The following CCBE1 variants were observed in gnomAD, a reference collection of about 807,000 sequenced individuals.
The protein encoded by CCBE1 is collagen and calcium-binding EGF domain-containing protein 1.
Under a neutral mutation model 50.0 loss-of-function variants are expected in CCBE1, and 37 were observed. That is an observed-to-expected ratio of 0.74 (90% CI 0.57 to 0.97). The LOEUF (loss-of-function observed/expected upper bound fraction) is 0.97. Among genes scored for constraint, CCBE1 ranks in the 50% least tolerant of loss-of-function variants. CCBE1 has a pLI of 0.00. For missense variants in CCBE1, 538 were observed against 523.8 expected (o/e 1.03, Z -0.26); for synonymous variants, 234 against 203.7 (o/e 1.15, Z -1.27).
chr18:59,582,540 T>C (rs558829527), intron 2 of CCBE1, among the ~76,000 whole-genome samples: 1 of 152,186 alleles, frequency 6.6e-6, no homozygotes, highest in African/African-American at 2.4e-5. Context: ...AAGAGACTCT[T>C]GGCTTAAGAA....
intron 2 of CCBE1, among the ~76,000 whole-genome samples, chr18:59,581,463 AAC>A (rs1453591481): frequency 2.0e-5 from 3 of 151,316 alleles, no homozygotes; most frequent in African/African-American, 7.3e-5. Flanking sequence ...GCCCCAAAAT[AAC>A]AGATATTGGA....
chr18:59,593,212 T>C (rs2053299941), intron 2 of CCBE1, among the ~76,000 whole-genome samples: 1 of 152,198 alleles, frequency 6.6e-6, no homozygotes, highest in Admixed American at 6.5e-5. Flanking sequence ...TTTTAATAAA[T>C]ACCTTTTTGA....
chr18:59,469,602 C>G lies in CCBE1; in HGVS notation c.271G>C (p.Asp91His). ...VLGQCIPEDY[D>H]VCAEAPCEQQ... ...TCACAGGGAGCCTCGGCACAAACGT[C>G]GTAATCTGAAAAAGCAAAGTGAGAG... The change falls in exon 4 of 11, where the codon GAC (aspartate) becomes CAC (histidine). Residue 91 changes from aspartate to histidine, a missense_variant. Physicochemically the swap from Asp to His is moderately conservative, Grantham distance 81. Coordinates refer to ENST00000439986, the MANE Select transcript of CCBE1 (RefSeq NM_133459.4). 1 of 1,614,056 alleles carries G rather than the reference C, an allele frequency of 6.2e-7. No individual in the cohort carries two copies. The highest frequency in any genetic ancestry group is 8.5e-7 in the Non-Finnish European group (1 of 1,180,036).
chr18:59,478,304 G>A (rs1041084337), intron 3 of CCBE1, among the ~76,000 whole-genome samples: 2 of 152,012 alleles, frequency 1.3e-5, no homozygotes, highest in Non-Finnish European at 2.9e-5. Context: ...AATCAAAATT[G>A]GTTCTATTTC....
chr18:59,550,053 T>G (rs1286995364), intron 2 of CCBE1, among the ~76,000 whole-genome samples: 1 of 152,220 alleles, frequency 6.6e-6, no homozygotes, highest in East Asian at 1.9e-4. Flanking sequence ...TTAAAGCATC[T>G]CTGGGTCCAA....
At chr18:59,640,412 GATAGCTGGCTAGCC>G (rs2053971456) in intron 2 of CCBE1, among the ~76,000 whole-genome samples, 1 of 152,134 alleles carries the variant, frequency 6.6e-6, no homozygotes, top group Admixed American at 6.5e-5. Context: ...ATGGTCCTGG[GATAGCTGGCTAGCC>G]ATATGCAGAA....
chr18:59,516,687 GT>G (rs2144313627), intron 2 of CCBE1, among the ~76,000 whole-genome samples: 1 of 152,298 alleles, frequency 6.6e-6, no homozygotes, highest in South Asian at 2.1e-4. Context: ...TGCTAACTAA[GT>G]TTCTATTTAA....
At chr18:59,650,132 G>A (rs1402072287) in intron 2 of CCBE1, among the ~76,000 whole-genome samples, 1 of 152,088 alleles carries the variant, frequency 6.6e-6, no homozygotes, top group South Asian at 2.1e-4. Flanking sequence ...AGAATCCACA[G>A]ACAGAACTAA....
At chr18:59,630,358 G>T (rs1453939238) in intron 2 of CCBE1, among the ~76,000 whole-genome samples, 1 of 152,050 alleles carries the variant, frequency 6.6e-6, no homozygotes, top group Non-Finnish European at 1.5e-5. Flanking sequence ...AAGGTAATTA[G>T]AAATGTATTT....
intron 2 of CCBE1, among the ~76,000 whole-genome samples, chr18:59,523,442 A>G (rs8098505): frequency 0.16 from 24,226 of 151,214 alleles, 3,986 homozygotes; most frequent in African/African-American, 0.41. Context: ...CTGTATCTCA[A>G]TTTCTTCAAC....
intron 2 of CCBE1, among the ~76,000 whole-genome samples, chr18:59,640,456 C>A (rs553701014): frequency 1.8e-4 from 28 of 152,272 alleles, no homozygotes; most frequent in Non-Finnish European, 3.8e-4. Flanking sequence ...TGGACCCCTT[C>A]ATTACACATA....
chr18:59,464,530 AC>A (rs1236812686), intron 5 of CCBE1, among the ~76,000 whole-genome samples: 1 of 152,136 alleles, frequency 6.6e-6, no homozygotes, highest in African/African-American at 2.4e-5. Flanking sequence ...CCCTATGAAC[AC>A]CCCTGGGCAG....
chr18:59,568,385 A>G (rs1397802014), intron 2 of CCBE1: 1 of 152,166 alleles, frequency 6.6e-6, no homozygotes, highest in Non-Finnish European at 1.5e-5. Flanking sequence ...ACTTGGTATT[A>G]CTTCTCCCCA....
intron 2 of CCBE1, among the ~76,000 whole-genome samples, chr18:59,599,290 G>A (rs2144555301): frequency 6.6e-6 from 1 of 152,236 alleles, no homozygotes; most frequent in South Asian, 2.1e-4. Flanking sequence ...TACCATGCTG[G>A]ATACCGTTAA....
chr18:59,573,284 A>AATATATATAT (rs71336346), intron 2 of CCBE1, among the ~76,000 whole-genome samples: 1,018 of 93,504 alleles, frequency 0.011, 74 homozygotes, highest in Admixed American at 0.015. Context: ...GACTCCGTCT[A>AATATATATAT]ATATATATAT....
chr18:59,560,062 C>T (rs1470929677), intron 2 of CCBE1, among the ~76,000 whole-genome samples: 1 of 152,226 alleles, frequency 6.6e-6, no homozygotes, highest in Non-Finnish European at 1.5e-5. Context: ...GATTCTCTTG[C>T]AGGTTTAGAA....
Position 59,697,356 on chromosome 18 carries a change from G to A in CCBE1, c.-14C>T, listed in dbSNP as rs1348237844. 13 of 1,544,638 alleles carry A rather than the reference G, an allele frequency of 8.4e-6. No homozygotes were observed. The highest frequency in any genetic ancestry group is 5.9e-5 in the Admixed American group (3 of 51,016). On this transcript the variant is annotated 5_prime_UTR_variant, in exon 1 of 11. Coordinates refer to ENST00000439986, the MANE Select transcript of CCBE1 (RefSeq NM_133459.4). ...CGGCGGCACCATCAGGGAAGCTCCC[G>A]GCTTCTTCCCAGCGCCGAGCTCCGT...
At chr18:59,473,938 C>T (rs1912185631) in intron 3 of CCBE1, among the ~76,000 whole-genome samples, 1 of 149,978 alleles carries the variant, frequency 6.7e-6, no homozygotes, top group Admixed American at 6.7e-5. Context: ...TGTTTATGTC[C>T]ATGTGTGCAC....
chr18:59,515,755 G>A (rs1022081882), intron 2 of CCBE1, among the ~76,000 whole-genome samples: 73 of 152,286 alleles, frequency 4.8e-4, no homozygotes, highest in Middle Eastern at 3.4e-3. Flanking sequence ...GAGGTGTCAG[G>A]CTACCTTGGT....
Sources: gnomAD v4.1 joint callset for allele counts (sites outside exome capture counted in the v4.1 genomes callset) on GRCh38, gnomAD v4.1.1 for gene constraint, MANE v1.5 for transcripts, NCBI Gene and HGNC (gene_info 2026-07-23, HGNC 2026-07-21) for gene names.